The following EYS variants were observed in gnomAD, a reference collection of about 807,000 sequenced individuals.
The protein encoded by EYS is EGF-like photoreceptor maintenance factor, also known as protein eyes shut homolog.
Under a neutral mutation model 282.1 loss-of-function variants are expected in EYS, and 250 were observed. That is an observed-to-expected ratio of 0.89 (90% CI 0.80 to 0.98). The LOEUF is 0.98. Ranked by LOEUF, EYS falls within the 50% of genes least tolerant of loss-of-function variation. The pLI, the probability that EYS is intolerant of heterozygous loss-of-function variation, is 0.00. For synonymous variants in EYS, 1,355 were observed against 1,282.9 expected, an observed-to-expected ratio of 1.06 and a Z score of -1.20; for missense variants, 4,016 against 3,709.0, an observed-to-expected ratio of 1.08 and a Z score of -2.15.
chr6:65,017,626 A>T (rs1772097873), intron 13 of EYS, among the ~76,000 whole-genome samples: 1 of 152,160 alleles, frequency 6.6e-6, no homozygotes. Context: ...AAACAATTTT[A>T]TGGATCACCA....
intron 35 of EYS, among the ~76,000 whole-genome samples, chr6:63,958,470 C>T (rs558797772): frequency 6.6e-6 from 1 of 152,282 alleles, no homozygotes; most frequent in East Asian, 1.9e-4. Flanking sequence ...TTAATCCTCT[C>T]TTCATAACAT....
chr6:64,974,900 T>G (rs996091619), intron 14 of EYS, among the ~76,000 whole-genome samples: 13 of 151,824 alleles, frequency 8.6e-5, no homozygotes, highest in Non-Finnish European at 1.6e-4. Context: ...TCTTGGTGTG[T>G]GCATAAATTT....
At chr6:65,694,513 T>G (rs1037694116) in intron 1 of EYS, among the ~76,000 whole-genome samples, 1 of 149,910 alleles carries the variant, frequency 6.7e-6, no homozygotes, top group African/African-American at 2.4e-5. Context: ...TTACTCCTTC[T>G]TGATTATAAT....
intron 12 of EYS, among the ~76,000 whole-genome samples, chr6:65,092,792 A>C (rs1179512949): frequency 6.6e-6 from 1 of 152,128 alleles, no homozygotes; most frequent in Non-Finnish European, 1.5e-5. Context: ...CAAGTCACAA[A>C]AAGAATGAAA....
chr6:64,647,479 C>T (rs1002280365), intron 22 of EYS, among the ~76,000 whole-genome samples: 7 of 152,080 alleles, frequency 4.6e-5, no homozygotes, highest in Non-Finnish European at 1.0e-4. Flanking sequence ...GAATACTCAA[C>T]AACTTTATAA....
At chr6:64,571,065 A>G (rs1379119200) in intron 26 of EYS, among the ~76,000 whole-genome samples, 4 of 152,222 alleles carry the variant, frequency 2.6e-5, no homozygotes, top group African/African-American at 2.4e-5. Context: ...AACAACGAAT[A>G]TCACAACAAA....
intron 35 of EYS, among the ~76,000 whole-genome samples, chr6:63,874,614 C>A (rs997907810): frequency 4.6e-5 from 7 of 152,116 alleles, no homozygotes; most frequent in Non-Finnish European, 8.8e-5. Context: ...GATATTGATT[C>A]TTCCTATCCA....
chr6:64,972,227 G>C (rs1003139974), intron 14 of EYS, among the ~76,000 whole-genome samples: 17 of 152,150 alleles, frequency 1.1e-4, no homozygotes, highest in African/African-American at 4.1e-4. Flanking sequence ...TCTGGCAGAA[G>C]AGTTCTGATT....
At chr6:64,477,907 G>T (rs934108663) in intron 26 of EYS, among the ~76,000 whole-genome samples, 6 of 151,962 alleles carry the variant, frequency 3.9e-5, no homozygotes, top group African/African-American at 1.5e-4. Flanking sequence ...TGGCTCAATG[G>T]GTCAAACAAT....
chr6:65,287,530 G>A (rs1768399833), intron 12 of EYS, among the ~76,000 whole-genome samples: 1 of 151,206 alleles, frequency 6.6e-6, no homozygotes. Flanking sequence ...TTCCTGAAAT[G>A]CAACATTTAG....
intron 12 of EYS, among the ~76,000 whole-genome samples, chr6:65,116,781 A>C (rs1422170830): frequency 2.0e-5 from 3 of 152,234 alleles, no homozygotes; most frequent in Non-Finnish European, 4.4e-5. Context: ...TAAGCAGAAT[A>C]GGGTTTGTGA....
chr6:65,664,515 GT>G (rs1273103214), intron 1 of EYS, among the ~76,000 whole-genome samples: 1 of 152,154 alleles, frequency 6.6e-6, no homozygotes, highest in African/African-American at 2.4e-5. Context: ...AAGAAGTATT[GT>G]CTAGAGGAGT....
chr6:64,728,043 C>T (rs567591838), intron 22 of EYS, among the ~76,000 whole-genome samples: 5 of 152,218 alleles, frequency 3.3e-5, no homozygotes, highest in African/African-American at 9.6e-5. Flanking sequence ...TTCTTCGGGG[C>T]GGCAGGGGTG....
rs770319684 is a variant in EYS at position 65,353,519 on chromosome 6, A to T, written c.1398T>A (p.His466Gln). ...QHLCYCGVTF[H>Q]GICQDKGPAQ... ...CAGGACCTTTATCTTGGCAAATACC[A>T]TGGAAGGTGACTCCACAGTAGCAGA... Residue 466 changes from histidine to glutamine, a missense_variant, in exon 9 of 43, where the codon CAT (histidine) becomes CAA (glutamine). Coordinates refer to ENST00000503581, the MANE Select transcript of EYS (RefSeq NM_001142800.2). The T allele has an allele frequency of 1.9e-6, 3 of 1,613,162 alleles. No homozygotes were observed. Among genetic ancestry groups the T allele is most frequent in the Non-Finnish European group, 2.5e-6 (3 of 1,179,392 alleles).
At chr6:64,169,368 G>C (rs1428553229) in intron 31 of EYS, among the ~76,000 whole-genome samples, 2 of 151,018 alleles carry the variant, frequency 1.3e-5, no homozygotes, top group Non-Finnish European at 2.9e-5. Context: ...CTGAGATTGA[G>C]AGGGGCATTA....
At chr6:65,184,400 G>A (rs942406849) in intron 12 of EYS, among the ~76,000 whole-genome samples, 13 of 151,736 alleles carry the variant, frequency 8.6e-5, no homozygotes, top group African/African-American at 2.9e-4. Context: ...CTATTCATGA[G>A]AGCCAGGACC....
chr6:65,703,316 A>G (rs576165655), intron 1 of EYS, among the ~76,000 whole-genome samples: 16 of 152,334 alleles, frequency 1.1e-4, no homozygotes, highest in African/African-American at 3.8e-4. Flanking sequence ...ATAAACAGAT[A>G]CATAGAAAGA....
chr6:65,190,207 CAT>C (rs1765608652), intron 12 of EYS, among the ~76,000 whole-genome samples: 1 of 149,586 alleles, frequency 6.7e-6, no homozygotes, highest in Non-Finnish European at 1.5e-5. Flanking sequence ...GTGTATAAAA[CAT>C]AAAATATATA....
rs993492733 is a variant in EYS at position 64,257,250 on chromosome 6, G to A, written c.6192-26426C>T. ...CCTCCAACTTATACAATAAAGCTTC[G>A]TAAATTTAATTTTTAAAACAGGCCT... On this transcript the variant is annotated intron_variant, in intron 30 of 42. Transcript: ENST00000503581. Among the ~76,000 whole-genome samples the A allele has an allele frequency of 4.6e-5, 7 of 151,924 alleles. No homozygotes were observed. The South Asian group carries it at 1.2e-3, about 27-fold the overall frequency.
Sources: allele counts gnomAD v4.1 joint callset (sites outside exome capture counted in the v4.1 genomes callset), GRCh38; gene constraint gnomAD v4.1.1; transcripts MANE v1.5; gene names NCBI Gene and HGNC (gene_info 2026-07-23, HGNC 2026-07-21).